The following TXNRD1 variants were observed in gnomAD, a reference collection of about 807,000 sequenced individuals.
TXNRD1 encodes the protein thioredoxin reductase 1, cytoplasmic.
TXNRD1 carries 57 observed loss-of-function variants against 80.3 expected under a neutral mutation model. The observed-to-expected ratio is 0.71, with a 90% CI of 0.57 to 0.89. The LOEUF is 0.89. Ranked by LOEUF, TXNRD1 falls within the 40% of genes least tolerant of loss-of-function variation. TXNRD1 has a pLI of 0.00. For missense variants in TXNRD1, 730 were observed against 803.0 expected, an observed-to-expected ratio of 0.91 and a Z score of 1.10; for synonymous variants, 291 against 285.2, an observed-to-expected ratio of 1.02 and a Z score of -0.20.
chr12:104,274,155 G>A (rs1477841240), intron 3 of TXNRD1, among the ~76,000 whole-genome samples: 1 of 152,192 alleles, frequency 6.6e-6, no homozygotes, highest in African/African-American at 2.4e-5. Flanking sequence ...TGTCTTTGGG[G>A]TGGAGAAATT....
chr12:104,316,077 T>G (rs1365086361), intron 7 of TXNRD1, among the ~76,000 whole-genome samples, 181 bp downstream of exon 7: 3 of 152,236 alleles, frequency 2.0e-5, no homozygotes, highest in African/African-American at 7.2e-5. Flanking sequence ...GTTGTTATGG[T>G]AACAACAGAT....
intron 3 of TXNRD1, chr12:104,262,524 C>A (rs1403098166): frequency 6.6e-6 from 1 of 152,144 alleles, no homozygotes; most frequent in Non-Finnish European, 1.5e-5. Context: ...CAAAAGAACC[C>A]TCCATAGGCA....
At position 104,326,349 on chromosome 12, in the gene TXNRD1, G is replaced by A; in HGVS notation, c.1311G>A (p.Val437=). ...CTAATATATTAATAATTTTTCAGGTGATGCTGGCAATAGGAAGAGATGCTT... is the reference window on the plus strand; with the variant it reads ...CTAATATATTAATAATTTTTCAGGTAATGCTGGCAATAGGAAGAGATGCTT... ...EEIIEGEYNT[V]MLAIGRDACT... Residue 437 remains valine, a splice_region_variant and synonymous_variant, in exon 12 of 17, where the codon GTG becomes GTA. Coordinates refer to ENST00000525566, the MANE Select transcript of TXNRD1 (RefSeq NM_001093771.3). 1 of 1,583,734 alleles carries A rather than the reference G, an allele frequency of 6.3e-7. No individual in the cohort carries two copies. The highest frequency in any genetic ancestry group is 8.6e-7 in the Non-Finnish European group (1 of 1,167,234).
chr12:104,327,313 T>G (rs1049481244), intron 12 of TXNRD1, among the ~76,000 whole-genome samples: 4 of 152,228 alleles, frequency 2.6e-5, no homozygotes, highest in African/African-American at 9.6e-5. Context: ...CTTATTTCTT[T>G]GATTTTCAGA....
chr12:104,271,575 G>C (rs2033653388), intron 3 of TXNRD1, among the ~76,000 whole-genome samples: 1 of 152,172 alleles, frequency 6.6e-6, no homozygotes, highest in Non-Finnish European at 1.5e-5. Flanking sequence ...ATTCTCAAGG[G>C]TGGGGAGAAT....
intron 1 of TXNRD1, among the ~76,000 whole-genome samples, chr12:104,236,827 G>A (rs1227633607): frequency 6.6e-6 from 1 of 150,772 alleles, no homozygotes; most frequent in East Asian, 1.9e-4. Flanking sequence ...TCAAGTTACA[G>A]GGTTATAGGT....
chr12:104,326,517 G>A, intron 12 of TXNRD1, 94 bp downstream of exon 12: 1 of 765,424 alleles, frequency 1.3e-6, no homozygotes, highest in South Asian at 1.8e-5. Context: ...CCAGGCTGGA[G>A]TACAATGGCA....
chr12:104,270,076 C>A (rs905968200), intron 3 of TXNRD1, among the ~76,000 whole-genome samples: 6 of 152,172 alleles, frequency 3.9e-5, no homozygotes, highest in Non-Finnish European at 7.4e-5. Flanking sequence ...CCACTGAAGT[C>A]TTGAATTCAT....
At chr12:104,305,599 A>C (rs1266298945) in intron 4 of TXNRD1, among the ~76,000 whole-genome samples, 24 of 152,260 alleles carry the variant, frequency 1.6e-4, no homozygotes. Context: ...GGTCAAATGC[A>C]TGGAATTGTT....
chr12:104,223,653 G>A (rs936602596), intron 1 of TXNRD1, among the ~76,000 whole-genome samples: 8 of 152,204 alleles, frequency 5.3e-5, no homozygotes, highest in Non-Finnish European at 8.8e-5. Flanking sequence ...CTGTGGGAAG[G>A]GAGGGTGTGT....
At chr12:104,273,204 C>T (rs945110937) in intron 3 of TXNRD1, among the ~76,000 whole-genome samples, 59 of 152,126 alleles carry the variant, frequency 3.9e-4, no homozygotes, top group African/African-American at 1.4e-4. Flanking sequence ...AGACTGTGGG[C>T]GTGGAGCCGG....
intron 16 of TXNRD1, chr12:104,345,998 T>TCTGTC: frequency 2.3e-6 from 3 of 1,288,314 alleles, no homozygotes; most frequent in Non-Finnish European, 3.0e-6. Flanking sequence ...ACGAATGAAA[T>TCTGTC]CTGTCAATTG....
intron 4 of TXNRD1, among the ~76,000 whole-genome samples, chr12:104,300,190 A>C (rs972670924): frequency 1.3e-5 from 2 of 152,228 alleles, no homozygotes; most frequent in African/African-American, 2.4e-5. Flanking sequence ...GAAAGAGCTC[A>C]AGAATGCTTG....
chr12:104,282,326 G>C (rs1196537760), intron 3 of TXNRD1, among the ~76,000 whole-genome samples: 1 of 152,164 alleles, frequency 6.6e-6, no homozygotes, highest in Non-Finnish European at 1.5e-5. Flanking sequence ...CAGCAGTCAG[G>C]CTTGCAGAGA....
At chr12:104,222,076 AT>A (rs2032369665) in intron 1 of TXNRD1, among the ~76,000 whole-genome samples, 1 of 152,178 alleles carries the variant, frequency 6.6e-6, no homozygotes. Flanking sequence ...ATCTCTATTT[AT>A]CATTTTTGTG....
intron 16 of TXNRD1, among the ~76,000 whole-genome samples, chr12:104,339,947 C>T (rs1033952526): frequency 2.6e-5 from 4 of 152,322 alleles, no homozygotes; most frequent in Admixed American, 1.3e-4. Flanking sequence ...CTTGCAAACA[C>T]GCACACACAC....
chr12:104,283,478 C>T (rs1174226122), intron 3 of TXNRD1, among the ~76,000 whole-genome samples: 2 of 151,970 alleles, frequency 1.3e-5, no homozygotes, highest in Non-Finnish European at 2.9e-5. Flanking sequence ...CCTCGCACTC[C>T]TGACCTCGTA....
chr12:104,295,069 C>T (rs528351926), intron 4 of TXNRD1, among the ~76,000 whole-genome samples: 2 of 152,170 alleles, frequency 1.3e-5, no homozygotes, highest in Middle Eastern at 6.8e-3. Flanking sequence ...GATTCTCTGG[C>T]GTACATTAAA....
intron 14 of TXNRD1, among the ~76,000 whole-genome samples, chr12:104,332,749 C>CAA (rs34106883): frequency 0.044 from 3,385 of 76,396 alleles, 122 homozygotes; most frequent in South Asian, 0.092. Flanking sequence ...AACTCCGTCT[C>CAA]AAAAAAAAAA....
Sources: allele counts gnomAD v4.1 joint callset (sites outside exome capture counted in the v4.1 genomes callset), GRCh38; gene constraint gnomAD v4.1.1; transcripts MANE v1.5; gene names NCBI Gene and HGNC (gene_info 2026-07-23, HGNC 2026-07-21).